The following COX15 variants were observed in gnomAD, a reference collection of about 807,000 sequenced individuals.
The protein encoded by COX15 is cytochrome c oxidase assembly factor COX15.
A neutral mutation model predicts 51.9 loss-of-function variants in COX15; 51 were observed. That is an observed-to-expected ratio of 0.98 (90% confidence interval 0.78 to 1.24). COX15 has a LOEUF of 1.24. COX15 is among the 50% of genes most tolerant of loss of function. COX15 has a pLI of 0.00. For synonymous variants in COX15, 188 were observed against 190.5 expected (o/e 0.99, Z 0.11); for missense variants, 420 against 501.1 (o/e 0.84, Z 1.55).
At chr10:99,699,523 TC>T in the COX15 span, among the ~76,000 whole-genome samples, 1 of 152,234 alleles carries the variant, frequency 6.6e-6, no homozygotes, top group Non-Finnish European at 1.5e-5. Flanking sequence ...GTTGCGTGTC[TC>T]TATCTTTTTC....
Position 99,732,073 on chromosome 10 carries a change from T to G in COX15, c.-24A>C, listed in dbSNP as rs764997243. 1 of 1,607,924 alleles carries G rather than the reference T, an allele frequency of 6.2e-7. No individual in the cohort carries two copies. The highest frequency in any genetic ancestry group is 2.2e-5 in the East Asian group (1 of 44,694). On this transcript the variant is annotated 5_prime_UTR_variant, in exon 1 of 9. Coordinates refer to ENST00000016171, the MANE Select transcript of COX15 (RefSeq NM_078470.6). ...ATACTGATGACAGGGAACAGCCACCTCTTCCACAACCCAGGGCTCTGTGGT... is the reference window on the plus strand; with the variant it reads ...ATACTGATGACAGGGAACAGCCACCGCTTCCACAACCCAGGGCTCTGTGGT...
intron 8 of COX15, among the ~76,000 whole-genome samples, chr10:99,715,553 A>G (rs189521051): frequency 1.3e-5 from 2 of 152,036 alleles, no homozygotes; most frequent in African/African-American, 4.8e-5. Flanking sequence ...ACTGACACTA[A>G]TAAGTTCATT....
chr10:99,699,002 G>A, the COX15 span: 1 of 728,022 alleles, frequency 1.4e-6, no homozygotes, highest in Non-Finnish European at 2.2e-6. Context: ...TCATTTTACA[G>A]ATGAGGAAGT....
At chr10:99,710,375 G>A (rs1367480414), downstream of COX15, 1 of 985,230 alleles carries the variant, frequency 1.0e-6, no homozygotes, top group African/African-American at 1.7e-5. Context: ...TACATGCCAT[G>A]TACTCCCCCT....
At chr10:99,701,063 G>C in the COX15 span, 1 of 1,612,094 alleles carries the variant, frequency 6.2e-7, no homozygotes, top group Non-Finnish European at 8.5e-7. Context: ...ACTCAAGTAA[G>C]TTACTTCCCT....
In COX15 at chr10:99,714,714, C is replaced by A; in HGVS notation, c.1106G>T (p.Gly369Val). Residue 369 changes from glycine (G) to valine (V), a missense_variant, in exon 9 of 9, where the codon GGC becomes GTC. Gly to Val is a moderately radical substitution (Grantham distance 109). Coordinates refer to ENST00000016171, the MANE Select transcript of COX15 (RefSeq NM_078470.6). ...TLLALAYTQV[G>V]LGISTLLMYV... ...CATCAGCAGCGTGCTGATGCCCAAG[C>A]CCACCTGTCACAAAGGAAAGAAGGC... 6.2e-7 allele frequency: 1 copy of A among 1,613,172 alleles called. No homozygotes were observed.
At chr10:99,718,252 A>G in intron 7 of COX15, 94 bp downstream of exon 7, 3 of 1,349,614 alleles carry the variant, frequency 2.2e-6, no homozygotes, top group South Asian at 2.4e-5. Context: ...TTCCTGCTCT[A>G]CCCTCTCAGT....
rs141178382 is a variant in COX15, at chr10:99,719,098, C to A, written c.833-598G>T. 1.8e-3 allele frequency among the ~76,000 whole-genome samples: 280 copies of A among 152,226 alleles called. 2 individuals carry two copies. Among genetic ancestry groups the A allele is most frequent in the African/African-American group, 6.1e-3 (254 of 41,552 alleles). On this transcript the variant is annotated intron_variant, in intron 6 of 8. Coordinates refer to ENST00000016171, the MANE Select transcript of COX15 (RefSeq NM_078470.6). ...ACTGAATACGGAAGTGAGAAAAATC[C>A]CAAAACTTATAAACTAAATCCTGGA...
rs2036467887 is a variant in COX15 at position 99,713,584 on chromosome 10, T to G, written c.*1003A>C. 6.6e-7 allele frequency: 1 copy of G among 1,515,606 alleles called. No individual in the cohort carries two copies. Among genetic ancestry groups the G allele is most frequent in the East Asian group, 2.5e-5 (1 of 40,680 alleles). 93.9% of individuals were successfully genotyped at this position (1,515,606 alleles called of 1,614,324 possible). ...TACACCATCAAGGCCATATTTTTCT[T>G]ATTACAAAGCTGTTAGGAAACCCTC... On this transcript the variant is annotated 3_prime_UTR_variant, in exon 9 of 9. Coordinates refer to ENST00000016171, the MANE Select transcript of COX15 (RefSeq NM_078470.6).
Position 99,718,468 on chromosome 10 carries a change from C to T in COX15, c.865G>A (p.Val289Ile). 2 of 1,614,134 alleles carry T rather than the reference C, an allele frequency of 1.2e-6. No homozygotes were observed. The highest frequency in any genetic ancestry group is 1.7e-6 in the Non-Finnish European group (2 of 1,180,012). The change falls in exon 7 of 9, where the codon GTT becomes ATT. Residue 289 changes from valine to isoleucine, a missense_variant. By Grantham distance (29) the Val-to-Ile change is conservative (BLOSUM62 3). Transcript: ENST00000016171. ...AFVAGLDAGL[V>I]YNSFPKMGES... ...CCCATTTTGGGAAAGGAGTTATAAA[C>T]AAGCCCAGCATCTAGCCCTGCCACA...
rs2036386208 is a variant in COX15, at chr10:99,711,550, T to C, written c.*3037A>G. On this transcript the variant is annotated 3_prime_UTR_variant, in exon 9 of 9. Coordinates refer to ENST00000016171, the MANE Select transcript of COX15 (RefSeq NM_078470.6). ...GCTAGTCAGAACTTTCTAAGGTAAC[T>C]AGGCTATTAGGACCTAAGCCAGTGG... 1.0e-6 allele frequency: 1 copy of C among 985,460 alleles called. No homozygotes were observed. The highest frequency in any genetic ancestry group is 1.7e-5 in the African/African-American group (1 of 57,366). The allele number at this position is 985,460 out of a possible 1,614,324, so 61.0% of individuals were successfully genotyped here.
At chr10:99,696,170 C>A in the COX15 span, 1 of 1,594,030 alleles carries the variant, frequency 6.3e-7, no homozygotes. Context: ...TGTCAGGCTG[C>A]AGATATTAGG....
chr10:99,718,631 G>A lies in COX15; in HGVS notation c.833-131C>T, dbSNP rs909092927. 7 of 915,092 alleles carry A rather than the reference G, an allele frequency of 7.6e-6. No homozygotes were observed. The African/African-American group carries it at 9.8e-5, about 13-fold the overall frequency. 56.7% of individuals were successfully genotyped at this position (915,092 alleles called of 1,614,324 possible). On this transcript the variant is annotated intron_variant, in intron 6 of 8. Coordinates refer to ENST00000016171, the MANE Select transcript of COX15 (RefSeq NM_078470.6). Reference sequence around the variant, plus strand: ...CAGTCAGAGAATAATAGACATATCTGCAACAGGAGTTCTCCAACAGAGAAG... The same window carrying A: ...CAGTCAGAGAATAATAGACATATCTACAACAGGAGTTCTCCAACAGAGAAG...
chr10:99,718,420 G>A lies in COX15; in HGVS notation c.913C>T (p.Leu305Phe), dbSNP rs149189968. The A allele has an allele frequency of 2.0e-5, 32 of 1,613,936 alleles. No homozygotes were observed. In the African/African-American group the frequency reaches 4.0e-4, roughly 20 times the overall value. Residue 305 changes from leucine (L) to phenylalanine (F), a missense_variant, in exon 7 of 9, where the codon CTC becomes TTC. Physicochemically the swap from Leu to Phe is conservative, Grantham distance 22. Transcript: ENST00000016171. ...CTCAGGATGGGGGAGAAGGTAAAGA[G>A]GTCCTCCGGGATCCAGGATTCTCCC... Reference protein sequence around the residue: ...KMGESWIPEDLFTFSPILRNV... With the variant: ...KMGESWIPEDFFTFSPILRNV...
chr10:99,695,610 G>T, the COX15 span, among the ~76,000 whole-genome samples: 151,318 of 152,286 alleles, frequency 0.99, 75,189 homozygotes, highest in Middle Eastern at 1. Context: ...ATTAAAGGAT[G>T]TTTTCCTATT....
At chr10:99,703,547 G>A in the COX15 span, among the ~76,000 whole-genome samples, 2 of 152,292 alleles carry the variant, frequency 1.3e-5, no homozygotes, top group South Asian at 2.1e-4. Flanking sequence ...GGTCAAACCA[G>A]ACAAAACTAG....
At chr10:99,701,076 C>T in the COX15 span, 1 of 1,598,494 alleles carries the variant, frequency 6.3e-7, no homozygotes. Flanking sequence ...ACTTCCCTTT[C>T]CTCCTTAGAT....
At chr10:99,709,778 T>C (rs1348443688), downstream of COX15, 3 of 985,234 alleles carry the variant, frequency 3.0e-6, no homozygotes, top group Non-Finnish European at 3.6e-6. Flanking sequence ...TCTCTTGTGT[T>C]ATTACACATT....
Position 99,729,675 on chromosome 10 carries a change from AG to A in COX15, c.149del (p.Ala50ValfsTer40). On this transcript the variant is annotated frameshift_variant, in exon 2 of 9. Coordinates refer to ENST00000016171, the MANE Select transcript of COX15 (RefSeq NM_078470.6). LOFTEE classifies it high-confidence loss of function. ...ACACTGTACCCCTTCCAGATTGCAA[AG>A]CTACTTCAGAGATGGTGCTGTATTG... Reference protein sequence around the residue: ...PGQYSTISEVALQSGRGTVSL... With the variant: ...PGQYSTISEVXLQSGRGTVSL... 6.2e-7 allele frequency: 1 copy of A among 1,614,112 alleles called. No individual in the cohort carries two copies. The highest frequency in any genetic ancestry group is 8.5e-7 in the Non-Finnish European group (1 of 1,180,034).
Sources: gnomAD v4.1 joint callset for allele counts (sites outside exome capture counted in the v4.1 genomes callset) on GRCh38, gnomAD v4.1.1 for gene constraint, MANE v1.5 for transcripts, NCBI Gene and HGNC (gene_info 2026-07-23, HGNC 2026-07-21) for gene names.